BMX: variants seen among roughly 807,000 people sequenced by gnomAD.
The protein encoded by BMX is cytoplasmic tyrosine-protein kinase BMX.
BMX carries 31 observed loss-of-function variants against 59.2 expected under a neutral mutation model. The observed-to-expected ratio is 0.52, with a 90% CI of 0.39 to 0.71. The LOEUF is 0.71. Among genes scored for constraint, BMX ranks in the 30% least tolerant of loss-of-function variants. BMX has a pLI of 0.00. For missense variants in BMX, 474 were observed against 491.7 expected (o/e 0.96, Z 0.34); for synonymous variants, 185 against 181.0 (o/e 1.02, Z -0.18).
chrX:15,521,452 A>G (rs1924450074), intron 6 of BMX, among the ~76,000 whole-genome samples: 2 of 112,308 alleles, frequency 1.8e-5, no homozygotes, highest in Admixed American at 1.9e-4. Flanking sequence ...CTGTTCTAAC[A>G]AATTACTACA....
At position 15,522,596 on chromosome X, in the gene BMX, C is replaced by T. The variant is rs1421077202; in HGVS notation, c.752+9C>T. 2 of 1,209,079 alleles carry T rather than the reference C, an allele frequency of 1.7e-6. No individual in the cohort carries two copies. Among genetic ancestry groups the T allele is most frequent in the African/African-American group, 1.7e-5 (1 of 57,210 alleles). ...GTAAGAAAACTGAAAAGGTAATCCC[C>T]AGCTTTCAGACGGGCTGCCCAGCAT... On this transcript the variant is annotated intron_variant, in intron 7 of 18. Coordinates refer to ENST00000348343, the MANE Select transcript of BMX (RefSeq NM_203281.3).
At chrX:15,525,267 T>C in intron 7 of BMX, 21 bp from the exon 8 acceptor site, 6 of 1,198,149 alleles carry the variant, frequency 5.0e-6, no homozygotes, top group Non-Finnish European at 6.8e-6. Context: ...TATAAACTTA[T>C]AAAATGTCTC....
At chrX:15,538,042 A>G (rs1417808268) in intron 14 of BMX, among the ~76,000 whole-genome samples, 1 of 110,468 alleles carries the variant, frequency 9.1e-6, no homozygotes, top group African/African-American at 3.3e-5. Flanking sequence ...CCTTCAATAC[A>G]GTCTAATACT....
At chrX:15,510,658 C>T (rs1452414434) in intron 3 of BMX, among the ~76,000 whole-genome samples, 2 of 111,924 alleles carry the variant, frequency 1.8e-5, no homozygotes, top group African/African-American at 6.5e-5. Flanking sequence ...TTCCTAGTTC[C>T]ACCACTTATA....
Position 15,555,996 on chromosome X carries a change from T to C in BMX, c.1954-77T>C, listed in dbSNP as rs1010505427. ...AGTTGCTAGCTTTAGGACTTAGATG[T>C]AAATATTTTATATATTTTATCATTG... On this transcript the variant is annotated intron_variant, in intron 18 of 18. Coordinates refer to ENST00000348343, the MANE Select transcript of BMX (RefSeq NM_203281.3). 13 of 984,868 alleles carry C rather than the reference T, an allele frequency of 1.3e-5. No individual in the cohort carries two copies. In the African/African-American group the frequency reaches 2.0e-4, roughly 15 times the overall value. The allele number at this position is 984,868 out of a possible 1,213,427, so 81.2% of individuals were successfully genotyped here.
chrX:15,509,449 A>G lies in BMX; in HGVS notation c.243+16A>G. Reference sequence around the variant, plus strand: ...CCCATTTCAGGTAAAGGGAAGAACGACATTGCATTGGGTGGATAGTTCTTC... The same window carrying G: ...CCCATTTCAGGTAAAGGGAAGAACGGCATTGCATTGGGTGGATAGTTCTTC... On this transcript the variant is annotated intron_variant, in intron 3 of 18. Transcript: ENST00000348343. 5.5e-6 allele frequency: 6 copies of G among 1,089,460 alleles called. No homozygotes were observed. The highest frequency in any genetic ancestry group is 7.6e-6 in the Non-Finnish European group (6 of 793,034). 89.8% of individuals were successfully genotyped at this position (1,089,460 alleles called of 1,213,427 possible).
At chrX:15,511,076 C>A (rs182269706) in intron 3 of BMX, among the ~76,000 whole-genome samples, 1 of 111,765 alleles carries the variant, frequency 8.9e-6, no homozygotes, top group East Asian at 2.8e-4. Context: ...TAAACATTTT[C>A]CAGTGGGCTG....
chrX:15,546,661 T>C (rs1236025822), intron 16 of BMX, 142 bp from the exon 17 acceptor site: 1 of 435,742 alleles, frequency 2.3e-6, no homozygotes, highest in African/African-American at 2.5e-5. Flanking sequence ...ATAAGCAGCC[T>C]CCAGCTAAGC....
chrX:15,545,689 G>A (rs1026290714), intron 16 of BMX, among the ~76,000 whole-genome samples: 3 of 111,452 alleles, frequency 2.7e-5, no homozygotes, highest in African/African-American at 6.5e-5. Flanking sequence ...GGAGACTGCC[G>A]TTCCCTGGCA....
At position 15,534,227 on chromosome X, in the gene BMX, T is replaced by C. The variant is rs142510571; in HGVS notation, c.1035T>C (p.Thr345=). The change falls in exon 12 of 19, where the codon ACT becomes ACC. Residue 345 remains threonine, a synonymous_variant. Transcript: ENST00000348343. The stretch of plus-strand genomic sequence containing the variant: ...CTGTTACTAGTGATAAAAAAGGAAC[T>C]GTCAAACATTACCACGTGCATACAA... The part of the protein sequence containing the change: ...FSKAVNDKKG[T]VKHYHVHTNA... 8.6e-7 allele frequency: 1 copy of C among 1,166,005 alleles called. No individual in the cohort carries two copies. Among genetic ancestry groups the C allele is most frequent in the Non-Finnish European group, 1.1e-6 (1 of 870,790 alleles).
At position 15,531,359 on chromosome X, in the gene BMX, C is replaced by T. The variant is rs767957207; in HGVS notation, c.971C>T (p.Ser324Leu). ...GAAGGAGCATTTATGGTTAGAAATT[C>T]GAGCCAAGTGGGAATGTACACAGTG... ...GKEGAFMVRN[S>L]SQVGMYTVSL... The change falls in exon 11 of 19, where the codon TCG becomes TTG. Residue 324 changes from serine (S) to leucine (L), a missense_variant. Transcript: ENST00000348343. 23 of 1,208,775 alleles carry T rather than the reference C, an allele frequency of 1.9e-5. No homozygotes were observed. Among genetic ancestry groups the T allele is most frequent in the Non-Finnish European group, 2.4e-5 (21 of 893,364 alleles).
At chrX:15,527,247 A>T (rs868258250) in intron 9 of BMX, among the ~76,000 whole-genome samples, 115 of 56,172 alleles carry the variant, frequency 2.0e-3, no homozygotes, top group African/African-American at 9.5e-3. Context: ...CACACACACA[A>T]ATATATATAT....
At chrX:15,528,215 C>T (rs1362282145) in intron 9 of BMX, among the ~76,000 whole-genome samples, 1 of 112,196 alleles carries the variant, frequency 8.9e-6, no homozygotes, top group African/African-American at 3.2e-5. Flanking sequence ...GACTCAGTCA[C>T]CTCACATTGT....
chrX:15,526,095 A>C lies in BMX; in HGVS notation c.884A>C (p.Asp295Ala). 8.3e-7 allele frequency: 1 copy of C among 1,203,389 alleles called. No homozygotes were observed. Among genetic ancestry groups the C allele is most frequent in the Non-Finnish European group, 1.1e-6 (1 of 889,059 alleles). The change falls in exon 9 of 19, where the codon GAC (aspartate) becomes GCC (alanine). Residue 295 changes from aspartate to alanine, a missense_variant and splice_region_variant. Physicochemically the swap from Asp to Ala is moderately radical, Grantham distance 126. Coordinates refer to ENST00000348343, the MANE Select transcript of BMX (RefSeq NM_203281.3). ...SEEEENLDDY[D>A]WFAGNISRSQ... The stretch of plus-strand genomic sequence containing the variant: ...GAAGAGGAAAACCTGGATGATTATG[A>C]GTGAGTATTGAAAGTCTTCTGGGTT...
At chrX:15,549,603 C>A (rs1388326387) in intron 17 of BMX, among the ~76,000 whole-genome samples, 1 of 111,801 alleles carries the variant, frequency 8.9e-6, no homozygotes, top group African/African-American at 3.3e-5. Flanking sequence ...CACTTTCCAG[C>A]AAGCACAGAT....
intron 12 of BMX, among the ~76,000 whole-genome samples, chrX:15,534,937 A>G (rs974707829): frequency 9.0e-6 from 1 of 111,308 alleles, no homozygotes; most frequent in Admixed American, 9.6e-5. Flanking sequence ...TTATTCACCT[A>G]GCCCTCTGTT....
intron 13 of BMX, 62 bp downstream of exon 13, chrX:15,536,489 G>T (rs1925351873): frequency 4.6e-6 from 4 of 873,021 alleles, no homozygotes; most frequent in Admixed American, 3.2e-5. Context: ...TAAATATATG[G>T]TTAATTTACT....
At chrX:15,548,662 G>T (rs1926059473) in intron 17 of BMX, among the ~76,000 whole-genome samples, 1 of 111,449 alleles carries the variant, frequency 9.0e-6, no homozygotes, top group Admixed American at 9.5e-5. Context: ...ATATATCCCA[G>T]TGAGGATACC....
chrX:15,529,214 C>T (rs886583177), intron 9 of BMX, among the ~76,000 whole-genome samples: 4 of 111,819 alleles, frequency 3.6e-5, no homozygotes, highest in Non-Finnish European at 7.5e-5. Flanking sequence ...CAGCTGACAT[C>T]CCTTCCCAAA....
Sources: gnomAD v4.1 joint callset for allele counts (sites outside exome capture counted in the v4.1 genomes callset) on GRCh38, gnomAD v4.1.1 for gene constraint, MANE v1.5 for transcripts, NCBI Gene and HGNC (gene_info 2026-07-23, HGNC 2026-07-21) for gene names.